The following CASD1 variants were observed in gnomAD, a reference collection of about 807,000 sequenced individuals.
The protein encoded by CASD1 is CAS1 domain sialic acid O acetyltransferase 1.
Under a neutral mutation model 100.0 loss-of-function variants are expected in CASD1, and 41 were observed. That is an observed-to-expected ratio of 0.41 (90% CI 0.32 to 0.53). CASD1 has a LOEUF of 0.53. CASD1 is among the 20% of genes least tolerant of loss of function. The pLI is 0.25. For missense variants in CASD1, 774 were observed against 948.7 expected, an observed-to-expected ratio of 0.82 and a Z score of 2.42; for synonymous variants, 321 against 315.6, an observed-to-expected ratio of 1.02 and a Z score of -0.18.
At chr7:94,633,691 C>T in the CASD1 span, among the ~76,000 whole-genome samples, 1 of 152,112 alleles carries the variant, frequency 6.6e-6, no homozygotes, top group Non-Finnish European at 1.5e-5. Flanking sequence ...CCAGTGGAAA[C>T]TCTCTCTCCA....
intron 12 of CASD1, among the ~76,000 whole-genome samples, 196 bp downstream of exon 12, chr7:94,545,897 G>A (rs1442564670): frequency 6.6e-6 from 1 of 151,962 alleles, no homozygotes; most frequent in African/African-American, 2.4e-5. Flanking sequence ...TAATATAACA[G>A]TGGAGAATAA....
intron 3 of CASD1, among the ~76,000 whole-genome samples, 186 bp from the exon 4 acceptor site, chr7:94,526,976 T>G (rs11975669): frequency 0.045 from 6,807 of 152,278 alleles, 496 homozygotes; most frequent in African/African-American, 0.15. Flanking sequence ...ATTTAACTAG[T>G]GTCACTTTGT....
chr7:94,578,620 T>C, the CASD1 span, among the ~76,000 whole-genome samples: 1 of 152,208 alleles, frequency 6.6e-6, no homozygotes, highest in East Asian at 1.9e-4. Flanking sequence ...GTCAGAGGTC[T>C]AAACCCTGAC....
At chr7:94,521,090 CAAAAAGAAAA>C (rs1241992841) in intron 3 of CASD1, among the ~76,000 whole-genome samples, 1 of 149,936 alleles carries the variant, frequency 6.7e-6, no homozygotes, top group Non-Finnish European at 1.5e-5. Context: ...GACTCTGTCT[CAAAAAGAAAA>C]AAAAAGAATA....
chr7:94,555,569 G>A lies in CASD1; in HGVS notation c.2205G>A (p.Met735Ile). 6.2e-7 allele frequency: 1 copy of A among 1,613,464 alleles called. No individual in the cohort carries two copies. Among genetic ancestry groups the A allele is most frequent in the African/African-American group, 1.3e-5 (1 of 75,004 alleles). Residue 735 changes from methionine to isoleucine, a missense_variant, in exon 18 of 18, where the codon ATG becomes ATA. Transcript: ENST00000297273. ...TGGTACTGATACCTGGAAACCCTAT[G>A]CTCAACATCATTGTCAGCACTTTCA... ...GILVLIPGNP[M>I]LNIIVSTFIF...
chr7:94,537,810 C>T lies in CASD1; in HGVS notation c.1182C>T (p.Asn394=), dbSNP rs760529220. 6 of 1,603,038 alleles carry T rather than the reference C, an allele frequency of 3.7e-6. No homozygotes were observed. The highest frequency in any genetic ancestry group is 2.7e-5 in the African/African-American group (2 of 74,662). ...CDRANLFMKE[N]KFYTHSSFFI... is the part of the protein sequence containing the mutation. ...GTGCAAATCTGTTCATGAAGGAAAA[C>T]AAATTTTATACACATTCATCTTTCT... The change falls in exon 9 of 18, where the codon AAC becomes AAT. Residue 394 remains asparagine (N), a synonymous_variant. Transcript: ENST00000297273.
the CASD1 span, among the ~76,000 whole-genome samples, chr7:94,605,649 A>C: frequency 6.6e-6 from 1 of 152,108 alleles, no homozygotes; most frequent in Admixed American, 6.5e-5. Context: ...ACTCTAAGAC[A>C]ATCAGTAAAA....
chr7:94,539,101 C>T, intron 10 of CASD1, 45 bp downstream of exon 10: 1 of 1,174,518 alleles, frequency 8.5e-7, no homozygotes, highest in South Asian at 1.3e-5. Context: ...GAAGTGATGT[C>T]ATTTTAATGT....
downstream of CASD1, among the ~76,000 whole-genome samples, chr7:94,559,762 G>T (rs1453275485): frequency 2.0e-5 from 3 of 152,064 alleles, no homozygotes; most frequent in Non-Finnish European, 4.4e-5. Context: ...CTGACCTCAG[G>T]TGATCCACCT....
the CASD1 span, among the ~76,000 whole-genome samples, chr7:94,605,577 C>T: frequency 6.6e-6 from 1 of 151,864 alleles, no homozygotes; most frequent in Non-Finnish European, 1.5e-5. Flanking sequence ...CCTGCAATAC[C>T]TAGGAAGTAG....
intron 5 of CASD1, 47 bp from the exon 6 acceptor site, chr7:94,533,158 T>G: frequency 7.2e-7 from 1 of 1,391,088 alleles, no homozygotes; most frequent in Non-Finnish European, 1.0e-6. Context: ...TTGTAGTAAT[T>G]CCCTGAACTG....
rs776866076 is a variant in CASD1, at chr7:94,537,644, G to A, written c.1016G>A (p.Arg339Gln). ...IFYIIHRNAH[R>Q]KNKPCTDLES... ...TACATAATTCATCGTAATGCTCATC[G>A]GAAGAATAAGCCGTGTACTGATTTG... Residue 339 changes from arginine (R) to glutamine (Q), a missense_variant, in exon 9 of 18, where the codon CGG becomes CAG. Physicochemically the swap from Arg to Gln is conservative, Grantham distance 43 (BLOSUM62 1). Transcript: ENST00000297273. 10 of 1,613,670 alleles carry A rather than the reference G, an allele frequency of 6.2e-6. No individual in the cohort carries two copies. Among genetic ancestry groups the A allele is most frequent in the African/African-American group, 1.3e-5 (1 of 74,954 alleles).
chr7:94,592,669 TG>T, the CASD1 span, among the ~76,000 whole-genome samples: 4 of 152,058 alleles, frequency 2.6e-5, no homozygotes, highest in African/African-American at 9.7e-5. Flanking sequence ...ATAAGTGAGT[TG>T]GGGGGAGTAC....
At chr7:94,541,979 T>A (rs1795426408) in intron 10 of CASD1, among the ~76,000 whole-genome samples, 1 of 152,170 alleles carries the variant, frequency 6.6e-6, no homozygotes. Context: ...TAAAATATCT[T>A]AAAACGTTGG....
At chr7:94,510,817 AG>A (rs1793668506) in intron 1 of CASD1, among the ~76,000 whole-genome samples, 1 of 152,256 alleles carries the variant, frequency 6.6e-6, no homozygotes, top group Non-Finnish European at 1.5e-5. Flanking sequence ...CAAATGGAAG[AG>A]GTGCCACCCA....
the CASD1 span, among the ~76,000 whole-genome samples, chr7:94,596,668 T>TTA: frequency 3.3e-5 from 5 of 152,150 alleles, no homozygotes; most frequent in Admixed American, 3.3e-4. Context: ...TGCCTTGTAC[T>TTA]TATTAATTAA....
At chr7:94,553,786 T>TTAAATAAATAAATAAATAAATAAA (rs71120402) in intron 16 of CASD1, 2 of 141,874 alleles carry the variant, frequency 1.4e-5, no homozygotes, top group African/African-American at 5.5e-5. Flanking sequence ...ACCCTAGAAC[T>TTAAATAAATAAATAAATAAATAAA]TAAATAAATA....
chr7:94,618,436 C>A, the CASD1 span: 1 of 249,734 alleles, frequency 4.0e-6, no homozygotes, highest in African/African-American at 2.3e-5. Flanking sequence ...CAGCTAATAA[C>A]TGGGGCGTCA....
chr7:94,546,235 A>G, intron 12 of CASD1, among the ~76,000 whole-genome samples: 1 of 151,980 alleles, frequency 6.6e-6, no homozygotes, highest in Non-Finnish European at 1.5e-5. Flanking sequence ...CCTGTTTTAC[A>G]TATAAGGAAC....
Sources: gnomAD v4.1 joint callset for allele counts (sites outside exome capture counted in the v4.1 genomes callset) on GRCh38, gnomAD v4.1.1 for gene constraint, MANE v1.5 for transcripts, NCBI Gene and HGNC (gene_info 2026-07-23, HGNC 2026-07-21) for gene names.